Variants in RCOR1 observed in about 807,000 individuals in gnomAD.
RCOR1 encodes the protein REST corepressor.
In RCOR1, 12 loss-of-function variants were observed where a neutral mutation model predicts 64.0. That is an observed-to-expected ratio of 0.19 (90% CI 0.12 to 0.30). The LOEUF is 0.30. Ranked by LOEUF, RCOR1 falls within the 10% of genes least tolerant of loss-of-function variation. The pLI is 1.00. For missense variants in RCOR1, 502 were observed against 621.2 expected, an observed-to-expected ratio of 0.81 and a Z score of 2.04; for synonymous variants, 279 against 227.2, an observed-to-expected ratio of 1.23 and a Z score of -2.05.
chr14:102,690,721 A>G (rs1199735107), intron 3 of RCOR1, among the ~76,000 whole-genome samples: 1 of 152,062 alleles, frequency 6.6e-6, no homozygotes, highest in Non-Finnish European at 1.5e-5. Context: ...CACACAAACC[A>G]CTCACTGTCT....
intron 11 of RCOR1, among the ~76,000 whole-genome samples, chr14:102,724,698 A>G (rs1200987919): frequency 1.3e-5 from 2 of 151,916 alleles, no homozygotes; most frequent in Admixed American, 6.6e-5. Flanking sequence ...ACCTAGTTTT[A>G]TGTTCTCCAT....
At chr14:102,628,437 C>T (rs534333991) in intron 2 of RCOR1, among the ~76,000 whole-genome samples, 1 of 152,120 alleles carries the variant, frequency 6.6e-6, no homozygotes, top group African/African-American at 2.4e-5. Flanking sequence ...GCTTCAGCTC[C>T]ACTACCCGCT....
chr14:102,612,970 A>G (rs994266270), intron 2 of RCOR1, among the ~76,000 whole-genome samples: 10 of 151,788 alleles, frequency 6.6e-5, no homozygotes, highest in Non-Finnish European at 1.5e-4. Flanking sequence ...AAAAAAAAAA[A>G]AAAGAAAAAA....
At chr14:102,619,126 C>CTGTCTGTT (rs1567410121) in intron 2 of RCOR1, among the ~76,000 whole-genome samples, 1 of 151,906 alleles carries the variant, frequency 6.6e-6, no homozygotes, top group Non-Finnish European at 1.5e-5. Flanking sequence ...GTCTGTCTGT[C>CTGTCTGTT]TTTATATTTT....
chr14:102,669,779 C>G (rs1289155236), intron 2 of RCOR1, among the ~76,000 whole-genome samples: 2 of 152,200 alleles, frequency 1.3e-5, no homozygotes, highest in African/African-American at 4.8e-5. Context: ...ATCATATATA[C>G]TCTTGCCATT....
chr14:102,686,452 A>G (rs1895421770), intron 3 of RCOR1, among the ~76,000 whole-genome samples: 1 of 152,148 alleles, frequency 6.6e-6, no homozygotes, highest in Non-Finnish European at 1.5e-5. Context: ...ACACATTCTT[A>G]TCACCCGAAA....
At chr14:102,631,310 C>G (rs904316093) in intron 2 of RCOR1, among the ~76,000 whole-genome samples, 1 of 151,516 alleles carries the variant, frequency 6.6e-6, no homozygotes, top group African/African-American at 2.4e-5. Context: ...TCACGCCGTT[C>G]TCCTGCCTCA....
At chr14:102,629,442 T>TC (rs34832312) in intron 2 of RCOR1, among the ~76,000 whole-genome samples, 2,100 of 145,886 alleles carry the variant, frequency 0.014, 21 homozygotes, top group East Asian at 0.022. Context: ...CTTAACAGCC[T>TC]CCCCCCCCCC....
chr14:102,604,752 T>C (rs1167872556), intron 2 of RCOR1, among the ~76,000 whole-genome samples: 2 of 152,198 alleles, frequency 1.3e-5, no homozygotes, highest in Non-Finnish European at 2.9e-5. Context: ...TTCAATTTAG[T>C]GTATTTTAGA....
At chr14:102,706,560 T>A (rs569606942) in intron 4 of RCOR1, among the ~76,000 whole-genome samples, 15 of 152,218 alleles carry the variant, frequency 9.9e-5, no homozygotes, top group Admixed American at 7.2e-4. Flanking sequence ...AAAATAGAAT[T>A]ACCGTATTAT....
chr14:102,706,114 C>T (rs1291791802), intron 4 of RCOR1, among the ~76,000 whole-genome samples: 1 of 21,334 alleles, frequency 4.7e-5, no homozygotes, highest in East Asian at 1.6e-3. Flanking sequence ...AACCCTGTCT[C>T]AAAAAAAAAA....
chr14:102,593,003 C>T lies in RCOR1; in HGVS notation c.117C>T (p.Ala39=), dbSNP rs1023087465. Residue 39 remains alanine, a synonymous_variant, in exon 1 of 12, where the codon GCC becomes GCT. Coordinates refer to ENST00000262241, the MANE Select transcript of RCOR1 (RefSeq NM_015156.4). The part of the protein sequence containing the change: ...AASAAASAAC[A]SPAATAASGA... Reference sequence around the variant, plus strand: ...CCGCCGCCGCCTCGGCCGCCTGCGCCTCGCCAGCCGCCACTGCCGCCTCGG... The same window carrying T: ...CCGCCGCCGCCTCGGCCGCCTGCGCTTCGCCAGCCGCCACTGCCGCCTCGG... 2.5e-5 allele frequency: 30 copies of T among 1,192,318 alleles called. No homozygotes were observed. The highest frequency in any genetic ancestry group is 3.0e-5 in the Non-Finnish European group (29 of 961,614). The allele number at this position is 1,192,318 out of a possible 1,614,324, so 73.9% of individuals were successfully genotyped here.
At chr14:102,627,959 G>GT (rs1261609432) in intron 2 of RCOR1, among the ~76,000 whole-genome samples, 7 of 72,966 alleles carry the variant, frequency 9.6e-5, no homozygotes, top group Admixed American at 1.8e-4. Context: ...AATTTAAAAG[G>GT]GGTGTGTGTG....
intron 7 of RCOR1, among the ~76,000 whole-genome samples, chr14:102,711,785 T>C (rs1201010302): frequency 6.6e-6 from 1 of 152,166 alleles, no homozygotes; most frequent in Non-Finnish European, 1.5e-5. Context: ...ATGTTTCTTA[T>C]AGACAAGGTA....
intron 2 of RCOR1, chr14:102,662,441 CTCT>C (rs1476434408): frequency 1.8e-6 from 1 of 549,804 alleles, no homozygotes; most frequent in East Asian, 4.8e-5. Flanking sequence ...GTTGTCCTCG[CTCT>C]TCTTCATGGC....
chr14:102,615,797 A>G (rs1893746678), intron 2 of RCOR1, among the ~76,000 whole-genome samples: 1 of 152,174 alleles, frequency 6.6e-6, no homozygotes, highest in African/African-American at 2.4e-5. Flanking sequence ...ACAAGTTTGA[A>G]AATCACAGTT....
intron 10 of RCOR1, among the ~76,000 whole-genome samples, chr14:102,721,765 C>G (rs1356930315): frequency 6.6e-6 from 1 of 152,006 alleles, no homozygotes; most frequent in African/African-American, 2.4e-5. Flanking sequence ...AACCGGGAAC[C>G]CTGAGTCTTC....
chr14:102,655,629 C>A, intron 2 of RCOR1: 3 of 424,806 alleles, frequency 7.1e-6, no homozygotes, highest in Non-Finnish European at 9.4e-6. Context: ...TGTCCCCTAT[C>A]TCCCACTGGT....
intron 2 of RCOR1, among the ~76,000 whole-genome samples, chr14:102,600,422 A>T (rs1263095065): frequency 1.3e-5 from 2 of 149,980 alleles, no homozygotes; most frequent in Non-Finnish European, 3.0e-5. Flanking sequence ...GTATTTTGAG[A>T]CAGAGTTTTG....
Sources: allele counts gnomAD v4.1 joint callset (sites outside exome capture counted in the v4.1 genomes callset), GRCh38; gene constraint gnomAD v4.1.1; transcripts MANE v1.5; gene names NCBI Gene and HGNC (gene_info 2026-07-23, HGNC 2026-07-21).